The following NFIB variants were observed in gnomAD, a reference collection of about 807,000 sequenced individuals.
NFIB encodes nuclear factor 1 B-type.
Under a neutral mutation model 61.5 loss-of-function variants are expected in NFIB, and 11 were observed. That is an observed-to-expected ratio of 0.18 (90% CI 0.11 to 0.30). The LOEUF is 0.30. NFIB is among the 10% of genes least tolerant of loss of function. NFIB has a pLI of 1.00. For synonymous variants in NFIB, 260 were observed against 216.5 expected (o/e 1.20, Z -1.76); for missense variants, 471 against 608.9 (o/e 0.77, Z 2.38).
At chr9:14,452,094 A>C in the NFIB span, among the ~76,000 whole-genome samples, 1 of 152,108 alleles carries the variant, frequency 6.6e-6, no homozygotes, top group Admixed American at 6.5e-5. Flanking sequence ...CTTTTTCTCC[A>C]GCAGCAATTT....
At chr9:14,464,285 C>T in the NFIB span, among the ~76,000 whole-genome samples, 4 of 152,134 alleles carry the variant, frequency 2.6e-5, no homozygotes, top group Admixed American at 2.0e-4. Context: ...TTAATTCCAT[C>T]GATTCAGCTT....
chr9:14,097,875 CTTT>C (rs71321962), intron 10 of NFIB, among the ~76,000 whole-genome samples: 13 of 110,818 alleles, frequency 1.2e-4, no homozygotes, highest in Non-Finnish European at 2.3e-4. Flanking sequence ...TTTCTTTTTT[CTTT>C]TTTTTTTTTT....
At chr9:14,288,718 T>C (rs1312680661) in intron 2 of NFIB, among the ~76,000 whole-genome samples, 1 of 151,998 alleles carries the variant, frequency 6.6e-6, no homozygotes, top group Non-Finnish European at 1.5e-5. Context: ...TCCCACTATC[T>C]TTGGTATTTT....
At chr9:14,367,536 T>C (rs2061314496) in intron 1 of NFIB, among the ~76,000 whole-genome samples, 1 of 152,158 alleles carries the variant, frequency 6.6e-6, no homozygotes, top group African/African-American at 2.4e-5. Flanking sequence ...CCTCCATGAA[T>C]ATGGGTGTGT....
chr9:14,433,023 G>C, the NFIB span, among the ~76,000 whole-genome samples: 2 of 152,090 alleles, frequency 1.3e-5, no homozygotes, highest in Non-Finnish European at 2.9e-5. Context: ...ATTTTTGCTA[G>C]GCTGTCTGTG....
At chr9:14,104,652 T>C (rs1033172167) in intron 10 of NFIB, among the ~76,000 whole-genome samples, 1 of 151,856 alleles carries the variant, frequency 6.6e-6, no homozygotes, top group African/African-American at 2.4e-5. Flanking sequence ...ACGATCATGG[T>C]TCACTGCAGC....
rs761295291 is a variant in NFIB at position 14,313,952 on chromosome 9, G to A, written c.-441C>T. On this transcript the variant is annotated 5_prime_UTR_variant, in exon 1 of 11. Transcript: ENST00000380953. This position sits in a 1 kb window ranked among gnomAD's most constrained non-coding sequence, Gnocchi z 4.5. ...ATGCTTTTTCAAAAAAGGCGGGGAG[G>A]GGGGCGCGGGAGGGCGCAGGAGGGC... is the stretch of plus-strand genomic sequence containing the variant. 3.8e-6 allele frequency: 4 copies of A among 1,064,696 alleles called. No homozygotes were observed. Among genetic ancestry groups the A allele is most frequent in the Non-Finnish European group, 4.5e-6 (4 of 880,560 alleles). 66.0% of individuals were successfully genotyped at this position (1,064,696 alleles called of 1,614,324 possible).
the NFIB span, among the ~76,000 whole-genome samples, chr9:14,429,254 T>A: frequency 1.3e-5 from 2 of 152,186 alleles, no homozygotes; most frequent in Non-Finnish European, 2.9e-5. Flanking sequence ...AGGGGAGTAC[T>A]GGTCATCAGG....
At chr9:14,426,292 T>C in the NFIB span, among the ~76,000 whole-genome samples, 22 of 152,210 alleles carry the variant, frequency 1.4e-4, no homozygotes, top group Non-Finnish European at 3.1e-4. Flanking sequence ...CACTGTGAGC[T>C]CTACAGGCCA....
intron 6 of NFIB, among the ~76,000 whole-genome samples, chr9:14,141,902 C>CAAAAAAAAA (rs1207435536): frequency 1.1e-3 from 58 of 53,524 alleles, no homozygotes; most frequent in African/African-American, 3.3e-3. Flanking sequence ...CTGCTGCTCA[C>CAAAAAAAAA]AAAAAAAAAA....
chr9:14,182,251 G>C (rs1368532158), intron 2 of NFIB, among the ~76,000 whole-genome samples: 3 of 152,118 alleles, frequency 2.0e-5, no homozygotes, highest in Non-Finnish European at 4.4e-5. Flanking sequence ...TTGGCTTTTT[G>C]TAACAATTCC....
chr9:14,461,920 G>A, the NFIB span, among the ~76,000 whole-genome samples: 1 of 152,186 alleles, frequency 6.6e-6, no homozygotes, highest in Non-Finnish European at 1.5e-5. Context: ...AAAGCAAGGG[G>A]AGAACTGGAT....
At chr9:14,094,938 C>T (rs78370633) in intron 10 of NFIB, among the ~76,000 whole-genome samples, 3,018 of 152,034 alleles carry the variant, frequency 0.02, 106 homozygotes, top group African/African-American at 0.067. Context: ...CTTTACCATG[C>T]GTGAGTGCTA....
chr9:14,176,752 T>C (rs1331496221), intron 3 of NFIB, among the ~76,000 whole-genome samples: 1 of 152,186 alleles, frequency 6.6e-6, no homozygotes, highest in South Asian at 2.1e-4. Flanking sequence ...AGTAAGAAAG[T>C]AGTCTCAAAG....
At chr9:14,243,866 A>G (rs1485356800) in intron 2 of NFIB, among the ~76,000 whole-genome samples, 1 of 152,170 alleles carries the variant, frequency 6.6e-6, no homozygotes, top group Non-Finnish European at 1.5e-5. Flanking sequence ...GGTTTCCTGC[A>G]CAAGGGCTAG....
the NFIB span, among the ~76,000 whole-genome samples, chr9:14,476,241 T>C: frequency 4.0e-5 from 6 of 151,226 alleles, no homozygotes; most frequent in Non-Finnish European, 8.9e-5. Context: ...TTTTCTAAGC[T>C]TTTTGTTTTT....
chr9:14,342,778 CAT>C (rs1040817995), intron 1 of NFIB, among the ~76,000 whole-genome samples: 7 of 152,300 alleles, frequency 4.6e-5, no homozygotes, highest in East Asian at 3.9e-4. Flanking sequence ...TCCATATACA[CAT>C]GTGTATATGC....
chr9:14,342,544 G>T (rs181399329), intron 1 of NFIB, among the ~76,000 whole-genome samples: 223 of 149,090 alleles, frequency 1.5e-3, no homozygotes, highest in African/African-American at 5.3e-3. Context: ...GGGAAGGAAG[G>T]CTCGTTTATT....
the NFIB span, among the ~76,000 whole-genome samples, chr9:14,463,520 CAAA>C: frequency 1.7e-4 from 26 of 152,082 alleles, no homozygotes; most frequent in African/African-American, 6.3e-4. Context: ...TTGTTAATAG[CAAA>C]GGAAATCTCT....
Sources: allele counts gnomAD v4.1 joint callset (sites outside exome capture counted in the v4.1 genomes callset), GRCh38; gene constraint gnomAD v4.1.1; non-coding constraint Gnocchi (gnomAD v3.1); transcripts MANE v1.5; gene names NCBI Gene and HGNC (gene_info 2026-07-23, HGNC 2026-07-21).